SLC9A3: variants seen among roughly 807,000 people sequenced by gnomAD.
SLC9A3 encodes the protein sodium/hydrogen exchanger 3.
A neutral mutation model predicts 86.8 loss-of-function variants in SLC9A3; 37 were observed. The observed-to-expected ratio is 0.43, with a 90% confidence interval of 0.33 to 0.56. The LOEUF (loss-of-function observed/expected upper bound fraction) is 0.56, where lower values mean the gene tolerates loss of function less well. SLC9A3 is among the 20% of genes least tolerant of loss of function. The pLI is 0.06. For synonymous variants in SLC9A3, 581 were observed against 528.3 expected, an observed-to-expected ratio of 1.10 and a Z score of -1.37; for missense variants, 1,011 against 1,171.9, an observed-to-expected ratio of 0.86 and a Z score of 2.00.
intron 1 of SLC9A3, among the ~76,000 whole-genome samples, chr5:516,233 T>C (rs1733729399): frequency 2.0e-5 from 3 of 150,788 alleles, no homozygotes; most frequent in Non-Finnish European, 3.0e-5. Flanking sequence ...TGCTGCCCCA[T>C]GGGATATTTG....
intron 1 of SLC9A3, among the ~76,000 whole-genome samples, chr5:518,035 A>G (rs1463077160): frequency 6.6e-6 from 1 of 152,228 alleles, no homozygotes; most frequent in Non-Finnish European, 1.5e-5. Flanking sequence ...CCATCCATCC[A>G]TCCACATGTC....
At position 473,283 on chromosome 5, in the gene SLC9A3, G is replaced by T. The variant is rs564032939; in HGVS notation, c.*96C>A. On this transcript the variant is annotated 3_prime_UTR_variant, in exon 17 of 17. Coordinates refer to ENST00000264938, the MANE Select transcript of SLC9A3 (RefSeq NM_004174.4). The stretch of plus-strand genomic sequence containing the variant: ...CGGGGCTCGCGGTCGCTGTAGCCGC[G>T]CGGGGATCTGGGGTTTCTCTGGGAC... The T allele has an allele frequency of 3.2e-4, 402 of 1,254,398 alleles. 1 individual carries two copies. The African/African-American group carries it at 5.8e-3, about 18-fold the overall frequency. 77.7% of individuals were successfully genotyped at this position (1,254,398 alleles called of 1,614,324 possible).
Position 471,544 on chromosome 5 carries a change from G to A in SLC9A3, c.*1835C>T, listed in dbSNP as rs1178430888. 2.9e-6 allele frequency: 1 copy of A among 350,826 alleles called. No individual in the cohort carries two copies. The highest frequency in any genetic ancestry group is 5.6e-6 in the Non-Finnish European group (1 of 177,664). 21.7% of individuals were successfully genotyped at this position (350,826 alleles called of 1,614,324 possible). ...ACTTGTGCCGGGAAGGCCAGGCCCC[G>A]GCCTGCTCCGATGAACGTCAGGACG... On this transcript the variant is annotated 3_prime_UTR_variant, in exon 17 of 17. Transcript: ENST00000264938.
At position 493,788 on chromosome 5, in the gene SLC9A3, A is replaced by G. The variant is rs116816159; in HGVS notation, c.212-1717T>C. ...TCCTGCTGTGGGCCCCGTCCCCACC[A>G]TGTGCCCCACAGGCTCTCTGAGCCC... is the stretch of plus-strand genomic sequence containing the variant. On this transcript the variant is annotated intron_variant, in intron 1 of 16. Transcript: ENST00000264938. Among the ~76,000 whole-genome samples the G allele has an allele frequency of 5.4e-3, 815 of 152,112 alleles. 13 individuals are homozygous for G. The highest frequency in any genetic ancestry group is 0.019 in the African/African-American group (781 of 41,472).
intron 1 of SLC9A3, among the ~76,000 whole-genome samples, chr5:510,744 C>T (rs1740838605): frequency 6.6e-6 from 1 of 152,098 alleles, no homozygotes; most frequent in South Asian, 2.1e-4. Context: ...CTGGGGAATC[C>T]TGCGGGGGGA....
At chr5:477,071 T>C (rs1288700923) in intron 11 of SLC9A3, 1 of 506,270 alleles carries the variant, frequency 2.0e-6, no homozygotes, top group African/African-American at 1.9e-5. Context: ...GACAGGCTGC[T>C]GCGGGCCAGG....
At chr5:475,999 C>T in intron 14 of SLC9A3, 21 bp downstream of exon 14, 5 of 1,591,812 alleles carry the variant, frequency 3.1e-6, no homozygotes, top group Non-Finnish European at 3.4e-6. Flanking sequence ...TCCCAGCGTT[C>T]CTGCAGGGCC....
intron 1 of SLC9A3, among the ~76,000 whole-genome samples, chr5:515,350 C>T (rs114184476): frequency 0.021 from 3,219 of 152,190 alleles, 55 homozygotes; most frequent in Non-Finnish European, 0.033. Context: ...GGTGCACACA[C>T]GGGAACCCCT....
Position 471,569 on chromosome 5 carries a change from G to A in SLC9A3, c.*1810C>T, listed in dbSNP as rs1022981072. The A allele has an allele frequency of 8.4e-6, 3 of 356,986 alleles. No individual in the cohort carries two copies. The highest frequency in any genetic ancestry group is 3.8e-5 in the Admixed American group (1 of 26,594). The allele number at this position is 356,986 out of a possible 1,614,324, so 22.1% of individuals were successfully genotyped here. On this transcript the variant is annotated 3_prime_UTR_variant, in exon 17 of 17. Transcript: ENST00000264938. Reference sequence around the variant, plus strand: ...GGCCTGCTCCGATGAACGTCAGGACGGTGGCTGCAGCAGGGAACCAGGGCT... The same window carrying A: ...GGCCTGCTCCGATGAACGTCAGGACAGTGGCTGCAGCAGGGAACCAGGGCT...
At chr5:476,925 C>T (rs1207001953) in intron 11 of SLC9A3, among the ~76,000 whole-genome samples, 5 of 152,252 alleles carry the variant, frequency 3.3e-5, no homozygotes, top group East Asian at 1.9e-4. Flanking sequence ...CCTTACTGGT[C>T]CCTCTCCAAA....
At chr5:487,691 G>A (rs560925362) in intron 3 of SLC9A3, among the ~76,000 whole-genome samples, 1 of 152,312 alleles carries the variant, frequency 6.6e-6, no homozygotes, top group Non-Finnish European at 1.5e-5. Context: ...TATTTGAGAT[G>A]GAGTCTCACT....
chr5:473,399 C>T lies in SLC9A3; in HGVS notation c.2502-17G>A. The T allele has an allele frequency of 7.2e-7, 1 of 1,395,502 alleles. No homozygotes were observed. The allele number at this position is 1,395,502 out of a possible 1,614,324, so 86.4% of individuals were successfully genotyped here. ...CGGTGTCACCTGCGGGAGAGGAAGG[C>T]GTGAGCGGCGCGCGGAGCCCGGGCG... On this transcript the variant is annotated splice_polypyrimidine_tract_variant and intron_variant, in intron 16 of 16. Transcript: ENST00000264938.
In SLC9A3 at chr5:492,083, G is replaced by C; in HGVS notation, c.212-12C>G. 6.8e-7 allele frequency: 1 copy of C among 1,467,996 alleles called. No individual in the cohort carries two copies. The highest frequency in any genetic ancestry group is 9.1e-7 in the Non-Finnish European group (1 of 1,101,370). The allele number at this position is 1,467,996 out of a possible 1,614,324, so 90.9% of individuals were successfully genotyped here. On this transcript the variant is annotated splice_polypyrimidine_tract_variant and intron_variant, in intron 1 of 16. Coordinates refer to ENST00000264938, the MANE Select transcript of SLC9A3 (RefSeq NM_004174.4). ...GGACAGGTGGAACCCTGTGGGGGAA[G>C]GGAGGGAGGTCAGGGCCGGGCTGTG...
intron 1 of SLC9A3, among the ~76,000 whole-genome samples, chr5:507,292 C>T (rs1207451260): frequency 7.0e-6 from 1 of 143,670 alleles, no homozygotes; most frequent in Admixed American, 6.9e-5. Context: ...CTCAGCCTCC[C>T]GAGTAGCTGG....
intron 12 of SLC9A3, 21 bp from the exon 13 acceptor site, chr5:476,399 G>A (rs1738738026): frequency 2.5e-6 from 4 of 1,613,044 alleles, no homozygotes; most frequent in South Asian, 1.1e-5. Context: ...AGGCACGGAG[G>A]TCACAGCTGT....
chr5:477,616 A>G (rs1167651248), intron 10 of SLC9A3, among the ~76,000 whole-genome samples, 172 bp from the exon 11 acceptor site: 1 of 152,172 alleles, frequency 6.6e-6, no homozygotes, highest in Non-Finnish European at 1.5e-5. Context: ...TGCCAAAACC[A>G]GGAGATCAGA....
chr5:480,188 G>A (rs532340922), intron 9 of SLC9A3: 13 of 497,414 alleles, frequency 2.6e-5, no homozygotes, highest in Admixed American at 7.0e-5. Context: ...ACTGCATGCC[G>A]CCTCCTCCAG....
intron 1 of SLC9A3, among the ~76,000 whole-genome samples, chr5:522,248 C>G (rs1040249945): frequency 6.6e-6 from 1 of 152,238 alleles, no homozygotes; most frequent in African/African-American, 2.4e-5. Context: ...CCCTCAAGGA[C>G]GTCTTCCCAG....
chr5:484,782 C>A, intron 4 of SLC9A3, 85 bp from the exon 5 acceptor site: 2 of 1,312,486 alleles, frequency 1.5e-6, no homozygotes, highest in East Asian at 2.3e-5. Flanking sequence ...GCGGAAGTGC[C>A]GGGAGCCCGG....
Sources: allele counts gnomAD v4.1 joint callset (sites outside exome capture counted in the v4.1 genomes callset), GRCh38; gene constraint gnomAD v4.1.1; transcripts MANE v1.5; gene names NCBI Gene and HGNC (gene_info 2026-07-23, HGNC 2026-07-21).